Variants in MFRP observed in about 807,000 individuals in gnomAD.
The protein encoded by MFRP is C1q and TNF related 5.
In MFRP, 74 loss-of-function variants were observed where a neutral mutation model predicts 65.8. The ratio of observed to expected loss-of-function variants is 1.12; its 90% confidence interval spans 0.93 to 1.36. MFRP has a LOEUF of 1.36. Among genes scored for constraint, MFRP ranks in the 40% most tolerant of loss-of-function variants. The pLI, the probability that MFRP is intolerant of heterozygous loss-of-function variation, is 0.00. For synonymous variants in MFRP, 336 were observed against 288.3 expected (o/e 1.17, Z -1.68); for missense variants, 838 against 736.0 (o/e 1.14, Z -1.60).
intron 5 of MFRP, 45 bp from the exon 6 acceptor site, chr11:119,345,049 G>A (rs767432199): frequency 1.9e-6 from 3 of 1,583,950 alleles, no homozygotes; most frequent in Non-Finnish European, 1.7e-6. Context: ...CAAGAGCAGG[G>A]TCAGCCAGAG....
At position 119,339,863 on chromosome 11, in the gene MFRP, G is replaced by A. The variant is rs748289236; in HGVS notation, c.*1111-15C>T. ...TCCCGGCAGTCCTGCGGGGTAAGCG[G>A]GGCGGCAGGGTGAGAGTAGCGGCGG... On this transcript the variant is annotated splice_polypyrimidine_tract_variant and intron_variant, in intron 14 of 14. Transcript: ENST00000619721. The surrounding 1 kb of genome is among the most constrained non-coding windows in gnomAD (Gnocchi z 5.4). The A allele has an allele frequency of 1.4e-5, 21 of 1,459,852 alleles. No homozygotes were observed. In the South Asian group the frequency reaches 2.9e-4, roughly 20 times the overall value. 90.4% of individuals were successfully genotyped at this position (1,459,852 alleles called of 1,614,324 possible).
intron 9 of MFRP, 36 bp downstream of exon 9, chr11:119,343,780 A>G (rs1303997444): frequency 1.2e-6 from 2 of 1,613,056 alleles, no homozygotes; most frequent in East Asian, 4.5e-5. Context: ...GACAGTGAGG[A>G]TGGAGTTATC....
rs1050632888 is a variant in MFRP at position 119,340,208 on chromosome 11, C to T, written c.*1086G>A. The T allele has an allele frequency of 6.6e-7, 1 of 1,515,584 alleles. No individual in the cohort carries two copies. The highest frequency in any genetic ancestry group is 8.8e-7 in the Non-Finnish European group (1 of 1,134,524). The allele number at this position is 1,515,584 out of a possible 1,614,324, so 93.9% of individuals were successfully genotyped here. On this transcript the variant is annotated 3_prime_UTR_variant, in exon 14 of 15. Transcript: ENST00000619721. ...CCCGGCCTCCCGCCCTCGCCTTTCT[C>T]TCCCGGAGCCCCGGGCGCGCCGTCG... is the stretch of plus-strand genomic sequence containing the variant.
At chr11:119,344,059 GGA>G in intron 8 of MFRP, 95 bp from the exon 9 acceptor site, 12 of 1,519,384 alleles carry the variant, frequency 7.9e-6, no homozygotes, top group Non-Finnish European at 1.1e-5. Context: ...CTGGCTGGGG[GGA>G]TGGGGTGGTG....
Position 119,343,845 on chromosome 11 carries a change from GCTGGT to G in MFRP, c.1090_1094del (p.Thr364GlnfsTer26), listed in dbSNP as rs1342453275. ...CCAGGAGGCTGAAGGCCCCTGAGCT[GCTGGT>G]CTCATACACCTCCACGTAGTCAAAC... On this transcript the variant is annotated frameshift_variant, in exon 9 of 15. Coordinates refer to ENST00000619721, the MANE Select transcript of MFRP (RefSeq NM_031433.4). LOFTEE classifies it high-confidence loss of function. The G allele has an allele frequency of 4.3e-6, 7 of 1,614,004 alleles. No homozygotes were observed. Among genetic ancestry groups the G allele is most frequent in the Non-Finnish European group, 5.9e-6 (7 of 1,180,024 alleles).
rs1325594534 is a variant in MFRP, at chr11:119,345,875, C to A, written c.325G>T (p.Gly109Cys). The A allele has an allele frequency of 1.2e-6, 2 of 1,613,658 alleles. No homozygotes were observed. Among genetic ancestry groups the A allele is most frequent in the Non-Finnish European group, 1.7e-6 (2 of 1,179,798 alleles). Residue 109 changes from glycine (G) to cysteine (C), a missense_variant, in exon 4 of 15, where the codon GGC becomes TGC. By Grantham distance (159) the Gly-to-Cys change is radical. Transcript: ENST00000619721. Reference sequence around the variant, plus strand: ...GGGGTGGTGGTGGTCGTGGTAAGGCCTCCGGCAGGCAGTGGGCTATGGGAC... The same window carrying A: ...GGGGTGGTGGTGGTCGTGGTAAGGCATCCGGCAGGCAGTGGGCTATGGGAC... ...GASHSPLPAG[G>C]LTTTTTTPTI... is the part of the protein sequence containing the mutation.
chr11:119,342,539 G>C (rs988161323), intron 11 of MFRP, 57 bp downstream of exon 11: 38 of 1,604,082 alleles, frequency 2.4e-5, no homozygotes, highest in Non-Finnish European at 3.1e-5. Context: ...TACGGCAGTA[G>C]GGTTCTGTGA....
intron 5 of MFRP, 103 bp downstream of exon 5, chr11:119,345,317 C>T: frequency 8.1e-7 from 1 of 1,233,686 alleles, no homozygotes; most frequent in Non-Finnish European, 1.2e-6. Context: ...TCTAGTCTCT[C>T]AATTTCTTCC....
rs1302677027 is a variant in MFRP, at chr11:119,345,477, G to A, written c.584C>T (p.Ala195Val). ...TTCCAAGCGATCAAAAAGGCAAGAG[G>A]CCACACTCTCTATGCTGAGGGCTTC... ...KIEALSIESV[A>V]SCLFDRLELS... Residue 195 changes from alanine (A) to valine (V), a missense_variant, in exon 5 of 15, where the codon GCC becomes GTC. Coordinates refer to ENST00000619721, the MANE Select transcript of MFRP (RefSeq NM_031433.4). The A allele has an allele frequency of 6.2e-7, 1 of 1,614,092 alleles. No homozygotes were observed. Among genetic ancestry groups the A allele is most frequent in the Non-Finnish European group, 8.5e-7 (1 of 1,180,040 alleles).
chr11:119,341,713 CA>C lies in MFRP; in HGVS notation c.1574del (p.Val525GlyfsTer7). The stretch of plus-strand genomic sequence containing the variant: ...CACTGCCTAGTGGGGTGCAACGGGG[CA>C]CAAGCAGCCCACACAGGAGCCTCCG... ...HFRRLLCGLLVPRCTPLGSVL... is the reference protein window; with the variant it reads ...HFRRLLCGLLXPRCTPLGSVL... On this transcript the variant is annotated frameshift_variant, in exon 13 of 15. Transcript: ENST00000619721. LOFTEE classifies it high-confidence loss of function. 6.2e-7 allele frequency: 1 copy of C among 1,613,184 alleles called. No individual in the cohort carries two copies. Among genetic ancestry groups the C allele is most frequent in the Non-Finnish European group, 8.5e-7 (1 of 1,180,024 alleles).
chr11:119,344,013 A>C, intron 8 of MFRP, 49 bp from the exon 9 acceptor site: 2 of 1,605,722 alleles, frequency 1.2e-6, no homozygotes, highest in South Asian at 1.1e-5. Flanking sequence ...CTCCTGTCTC[A>C]TCCCGGGCAC....
At chr11:119,340,088 C>T in intron 14 of MFRP, 96 bp downstream of exon 14, 1 of 1,390,598 alleles carries the variant, frequency 7.2e-7, no homozygotes. Context: ...AGTGGCGCCC[C>T]CTGGCGGGAG....
chr11:119,343,185 G>C (rs1950520894), intron 9 of MFRP, among the ~76,000 whole-genome samples, 182 bp from the exon 10 acceptor site: 2 of 152,160 alleles, frequency 1.3e-5, no homozygotes, highest in African/African-American at 4.8e-5. Context: ...TAAACAAACT[G>C]TCTGAACTCG....
rs774407800 is a variant in MFRP at position 119,344,768 on chromosome 11, GCA to G, written c.773-13_773-12del. On this transcript the variant is annotated splice_polypyrimidine_tract_variant and intron_variant, in intron 6 of 14. Transcript: ENST00000619721. Reference sequence around the variant, plus strand: ...CATGGGCACAGCTCCCTGGATGTGGGCACCAGGAGTCAGGGAGGCCCGGAGTC... The same window carrying G: ...CATGGGCACAGCTCCCTGGATGTGGGCCAGGAGTCAGGGAGGCCCGGAGTC... 1 of 1,613,902 alleles carries G rather than the reference GCA, an allele frequency of 6.2e-7. No homozygotes were observed. Among genetic ancestry groups the G allele is most frequent in the Non-Finnish European group, 8.5e-7 (1 of 1,180,020 alleles).
chr11:119,342,793 C>G, intron 10 of MFRP, 66 bp from the exon 11 acceptor site: 1 of 1,613,064 alleles, frequency 6.2e-7, no homozygotes, highest in Non-Finnish European at 8.5e-7. Flanking sequence ...CCCAGAGTGT[C>G]CTGACCAGGG....
chr11:119,344,968 G>A lies in MFRP; in HGVS notation c.678C>T (p.Thr226=). The A allele has an allele frequency of 6.2e-7, 1 of 1,608,648 alleles. No homozygotes were observed. The highest frequency in any genetic ancestry group is 8.5e-7 in the Non-Finnish European group (1 of 1,178,256). ...CGRVPPPTLN[T]NASHLLVVFV... ...AGACCACCAGGAGGTGGCTGGCATT[G>A]GTGTTGAGCGTGGGGGGAGGCACCC... The change falls in exon 6 of 15, where the codon ACC becomes ACT. Residue 226 remains threonine (T), a synonymous_variant. Coordinates refer to ENST00000619721, the MANE Select transcript of MFRP (RefSeq NM_031433.4).
chr11:119,344,480 G>T, intron 7 of MFRP, 89 bp from the exon 8 acceptor site: 1 of 1,557,940 alleles, frequency 6.4e-7, no homozygotes, highest in Non-Finnish European at 8.8e-7. Flanking sequence ...GAGAGTTTTG[G>T]CCATGCCCAT....
Position 119,339,952 on chromosome 11 carries a change from TC to T in MFRP, c.*1111-105del. 1 of 1,378,544 alleles carries T rather than the reference TC, an allele frequency of 7.3e-7. No homozygotes were observed. The highest frequency in any genetic ancestry group is 9.4e-7 in the Non-Finnish European group (1 of 1,060,320). The allele number at this position is 1,378,544 out of a possible 1,614,324, so 85.4% of individuals were successfully genotyped here. A position where few individuals can be genotyped will look rare whatever the true frequency, so the allele number is the denominator to read the frequency against. On this transcript the variant is annotated intron_variant, in intron 14 of 14. Coordinates refer to ENST00000619721, the MANE Select transcript of MFRP (RefSeq NM_031433.4). This position sits in a 1 kb window ranked among gnomAD's most constrained non-coding sequence, Gnocchi z 5.4. Reference sequence around the variant, plus strand: ...ACCCCTCCCCGCCCCTGCCTGAGCTTCGGCCAGCGCCTCCTCCCGCACGGGT... The same window carrying T: ...ACCCCTCCCCGCCCCTGCCTGAGCTTGGCCAGCGCCTCCTCCCGCACGGGT...
At chr11:119,340,070 G>C in intron 14 of MFRP, 114 bp downstream of exon 14, 5 of 1,340,372 alleles carry the variant, frequency 3.7e-6, no homozygotes, top group Non-Finnish European at 4.9e-6. Flanking sequence ...GGGCTGCAAA[G>C]CGCGGGGAGT....
Sources: allele counts gnomAD v4.1 joint callset (sites outside exome capture counted in the v4.1 genomes callset), GRCh38; gene constraint gnomAD v4.1.1; non-coding constraint Gnocchi (gnomAD v3.1); transcripts MANE v1.5; gene names NCBI Gene and HGNC (gene_info 2026-07-23, HGNC 2026-07-21).